The following PRKG1 variants were observed in gnomAD, a reference collection of about 807,000 sequenced individuals.
PRKG1 encodes cGMP-dependent protein kinase 1.
In PRKG1, 35 loss-of-function variants were observed where a neutral mutation model predicts 88.1. The observed-to-expected ratio is 0.40, with a 90% CI of 0.30 to 0.53. The LOEUF (loss-of-function observed/expected upper bound fraction) is 0.53. Ranked by LOEUF, PRKG1 falls within the 20% of genes least tolerant of loss-of-function variation. The pLI, the probability that PRKG1 is intolerant of heterozygous loss-of-function variation, is 0.59. For missense variants in PRKG1, 540 were observed against 839.8 expected, an observed-to-expected ratio of 0.64 and a Z score of 4.41; for synonymous variants, 303 against 292.5, an observed-to-expected ratio of 1.04 and a Z score of -0.37.
intron 2 of PRKG1, among the ~76,000 whole-genome samples, chr10:51,334,187 T>TCC (rs1841815230): frequency 1.0e-5 from 1 of 99,414 alleles, no homozygotes; most frequent in South Asian, 3.8e-4. Flanking sequence ...TCTCTCTCTC[T>TCC]CTCTCACTCA....
intron 4 of PRKG1, among the ~76,000 whole-genome samples, chr10:51,823,987 C>T (rs886442316): frequency 2.0e-5 from 3 of 150,978 alleles, no homozygotes; most frequent in Non-Finnish European, 4.4e-5. Context: ...AAATCTTCTG[C>T]CTCAGCCTAA....
At chr10:51,846,428 G>C (rs1840399557) in intron 4 of PRKG1, among the ~76,000 whole-genome samples, 1 of 152,116 alleles carries the variant, frequency 6.6e-6, no homozygotes, top group African/African-American at 2.4e-5. Flanking sequence ...TATTGATCAT[G>C]ACCTTCGCCA....
chr10:51,357,827 T>G (rs2132580014), intron 2 of PRKG1, among the ~76,000 whole-genome samples: 1 of 152,086 alleles, frequency 6.6e-6, no homozygotes, highest in East Asian at 1.9e-4. Context: ...AATGAAATAC[T>G]TTAAAAACTC....
rs540240577 is a variant in PRKG1, at chr10:51,629,674, C to G, written c.592+161838C>G. ...GAGGTTTGAAGTTGTCTCAAACATA[C>G]TTTTAAGGTCATCACCATTTGTGAT... On this transcript the variant is annotated intron_variant, in intron 3 of 17. Transcript: ENST00000373980. Among the ~76,000 whole-genome samples the G allele has an allele frequency of 7.0e-4, 107 of 152,256 alleles. 2 individuals carry two copies. In the South Asian group the frequency reaches 0.021, roughly 30 times the overall value.
At chr10:51,984,216 A>G (rs1456556922) in intron 5 of PRKG1, among the ~76,000 whole-genome samples, 1 of 152,198 alleles carries the variant, frequency 6.6e-6, no homozygotes, top group Non-Finnish European at 1.5e-5. Context: ...TATATGGTAG[A>G]AATATTTTGT....
At chr10:51,978,761 T>C (rs1384842852) in intron 5 of PRKG1, among the ~76,000 whole-genome samples, 1 of 152,076 alleles carries the variant, frequency 6.6e-6, no homozygotes, top group African/African-American at 2.4e-5. Flanking sequence ...GCTCCCAGGT[T>C]GACTGTTGTT....
intron 2 of PRKG1, among the ~76,000 whole-genome samples, chr10:51,336,198 TAAA>T: frequency 6.6e-6 from 1 of 151,410 alleles, no homozygotes; most frequent in Middle Eastern, 3.4e-3. Flanking sequence ...ACTAAAAGTA[TAAA>T]AACTAGCCAG....
chr10:51,589,659 A>T (rs1838261425), intron 3 of PRKG1, among the ~76,000 whole-genome samples: 1 of 152,146 alleles, frequency 6.6e-6, no homozygotes, highest in Non-Finnish European at 1.5e-5. Flanking sequence ...GCAATACTTT[A>T]TTCTATGTGA....
Position 51,284,866 on chromosome 10 carries a change from T to C in PRKG1, c.478+131536T>C, listed in dbSNP as rs923423453. Among the ~76,000 whole-genome samples the C allele has an allele frequency of 8.8e-3, 71 of 8,066 alleles. 3 individuals are homozygous for C. The allele number at this position is 8,066 out of a possible 152,430, so 5.3% of individuals were successfully genotyped here. A position where few individuals can be genotyped will look rare whatever the true frequency, so the allele number is the denominator to read the frequency against. ...GGTGTGGCTCCAGTGTTGTGGGTACTTTTTTTTTTTTTTTTTTTTTTAAGC... is the reference window on the plus strand; with the variant it reads ...GGTGTGGCTCCAGTGTTGTGGGTACCTTTTTTTTTTTTTTTTTTTTTAAGC... On this transcript the variant is annotated intron_variant, in intron 2 of 17. Coordinates refer to ENST00000373980, the MANE Select transcript of PRKG1 (RefSeq NM_006258.4).
At chr10:51,990,882 C>CA (rs1844288338) in intron 5 of PRKG1, among the ~76,000 whole-genome samples, 1 of 96,606 alleles carries the variant, frequency 1.0e-5, no homozygotes. Context: ...CATGTTCCTG[C>CA]AAAGATATGA....
At chr10:51,082,341 G>A (rs984074709) in intron 1 of PRKG1, among the ~76,000 whole-genome samples, 5 of 152,150 alleles carry the variant, frequency 3.3e-5, no homozygotes, top group Admixed American at 3.3e-4. Flanking sequence ...TAATTAAATA[G>A]GAAGCAGAAG....
intron 3 of PRKG1, among the ~76,000 whole-genome samples, chr10:51,581,067 T>A (rs1838021784): frequency 6.6e-6 from 1 of 152,116 alleles, no homozygotes; most frequent in Non-Finnish European, 1.5e-5. Context: ...TACCAGCATT[T>A]ATTAAGTTTA....
At chr10:51,973,716 T>C (rs2454567) in intron 5 of PRKG1, among the ~76,000 whole-genome samples, 54,904 of 152,024 alleles carry the variant, frequency 0.36, 10,167 homozygotes, top group Middle Eastern at 0.43. Flanking sequence ...AGAAATTCTT[T>C]GGTGGACTTT....
intron 2 of PRKG1, among the ~76,000 whole-genome samples, chr10:51,211,756 C>T (rs192397522): frequency 4.0e-4 from 61 of 152,178 alleles, no homozygotes; most frequent in African/African-American, 1.3e-3. Flanking sequence ...ATCCAACTTA[C>T]GAGGGATGTG....
chr10:51,139,805 C>T (rs1845779917), intron 1 of PRKG1, among the ~76,000 whole-genome samples: 2 of 152,158 alleles, frequency 1.3e-5, no homozygotes, highest in Non-Finnish European at 2.9e-5. Context: ...CTCCTTCCAC[C>T]TGGAATTGCT....
At chr10:51,119,126 G>A (rs1418435914) in intron 1 of PRKG1, among the ~76,000 whole-genome samples, 2 of 151,998 alleles carry the variant, frequency 1.3e-5, no homozygotes, top group South Asian at 2.1e-4. Context: ...GTAGGCTTCC[G>A]AATGTTCACT....
In PRKG1 at chr10:51,345,726, T is replaced by C. The variant is rs115899294; in HGVS notation, c.479-121997T>C. 4.8e-3 allele frequency among the ~76,000 whole-genome samples: 729 copies of C among 152,318 alleles called. 4 individuals carry two copies. The highest frequency in any genetic ancestry group is 0.016 in the African/African-American group (669 of 41,572). On this transcript the variant is annotated intron_variant, in intron 2 of 17. Coordinates refer to ENST00000373980, the MANE Select transcript of PRKG1 (RefSeq NM_006258.4). ...CTATCAAGTCCTGGATTTTTATTTG[T>C]TCATTTTTCATTTATTTATTGAGCA...
chr10:52,106,705 AAATAATAATAATAAT>A lies in PRKG1; in HGVS notation c.936-27105_936-27091del, dbSNP rs57109678. On this transcript the variant is annotated intron_variant, in intron 7 of 17. Coordinates refer to ENST00000373980, the MANE Select transcript of PRKG1 (RefSeq NM_006258.4). ...GGCAGCAGAGCGAGACTCTGTCCCAAAATAATAATAATAATAATAATAATAATAATAATAATAATA... is the reference window on the plus strand; with the variant it reads ...GGCAGCAGAGCGAGACTCTGTCCCAAAATAATAATAATAATAATAATAATA... Among the ~76,000 whole-genome samples the A allele has an allele frequency of 2.5e-3, 349 of 140,036 alleles. 1 individual carries two copies. The highest frequency in any genetic ancestry group is 5.3e-3 in the African/African-American group (203 of 38,004). 91.9% of individuals were successfully genotyped at this position (140,036 alleles called of 152,430 possible). A position where few individuals can be genotyped will look rare whatever the true frequency, so the allele number is the denominator to read the frequency against.
At chr10:51,820,239 G>C (rs7917762) in intron 4 of PRKG1, among the ~76,000 whole-genome samples, 37 of 151,960 alleles carry the variant, frequency 2.4e-4, no homozygotes, top group Non-Finnish European at 1.3e-4. Context: ...TGCAGCTTTA[G>C]TGTTGCTGAT....
Sources: allele counts gnomAD v4.1 joint callset (sites outside exome capture counted in the v4.1 genomes callset), GRCh38; gene constraint gnomAD v4.1.1; transcripts MANE v1.5; gene names NCBI Gene and HGNC (gene_info 2026-07-23, HGNC 2026-07-21).